Variants in PKNOX2 observed in about 807,000 individuals in gnomAD.
PKNOX2 encodes PBX/knotted 1 homeobox 2, also known as homeobox protein PKNOX2.
A neutral mutation model predicts 53.1 loss-of-function variants in PKNOX2; 14 were observed. The ratio of observed to expected loss-of-function variants is 0.26; its 90% confidence interval spans 0.17 to 0.41. The LOEUF (loss-of-function observed/expected upper bound fraction) is 0.41. PKNOX2 is among the 10% of genes least tolerant of loss of function. The pLI is 1.00. For synonymous variants in PKNOX2, 257 were observed against 242.8 expected, an observed-to-expected ratio of 1.06 and a Z score of -0.54; for missense variants, 496 against 602.8, an observed-to-expected ratio of 0.82 and a Z score of 1.85.
intron 1 of PKNOX2, among the ~76,000 whole-genome samples, chr11:125,172,393 T>C (rs1955392459): frequency 6.6e-6 from 1 of 152,178 alleles, no homozygotes; most frequent in African/African-American, 2.4e-5. Context: ...CTTTCTTACC[T>C]AAGATCCCCT....
chr11:125,264,847 G>A lies in PKNOX2; in HGVS notation c.-130+29732G>A, dbSNP rs193128007. Among the ~76,000 whole-genome samples, 11 of 152,252 alleles carry A rather than the reference G, an allele frequency of 7.2e-5. No homozygotes were observed. In the East Asian group the frequency reaches 1.2e-3, roughly 16 times the overall value. On this transcript the variant is annotated intron_variant, in intron 2 of 12. Coordinates refer to ENST00000298282, the MANE Select transcript of PKNOX2 (RefSeq NM_001382323.2). ...AGGCGGCCGATTTTAGAAGCTGCACGGGTTCCCATCCTCCCCTGGCCCCAT... is the reference window on the plus strand; with the variant it reads ...AGGCGGCCGATTTTAGAAGCTGCACAGGTTCCCATCCTCCCCTGGCCCCAT...
intron 5 of PKNOX2, among the ~76,000 whole-genome samples, chr11:125,375,309 T>G (rs1403569541): frequency 6.6e-6 from 1 of 152,148 alleles, no homozygotes; most frequent in Non-Finnish European, 1.5e-5. Context: ...AAGCAGAGAT[T>G]CTCTCATACA....
intron 1 of PKNOX2, among the ~76,000 whole-genome samples, chr11:125,187,019 C>A (rs1956487381): frequency 6.6e-6 from 1 of 152,170 alleles, no homozygotes; most frequent in Non-Finnish European, 1.5e-5. Flanking sequence ...TCAACGTGGC[C>A]ATAGCTGTTT....
intron 5 of PKNOX2, among the ~76,000 whole-genome samples, chr11:125,379,029 G>A (rs1953036759): frequency 6.6e-6 from 1 of 150,520 alleles, no homozygotes; most frequent in Admixed American, 6.6e-5. Flanking sequence ...AATGAAAAAG[G>A]ATCCAACTAC....
intron 5 of PKNOX2, among the ~76,000 whole-genome samples, chr11:125,384,351 G>A (rs1953471332): frequency 6.6e-6 from 1 of 152,000 alleles, no homozygotes; most frequent in South Asian, 2.1e-4. Flanking sequence ...TGGGGGTCAG[G>A]AGTCAGAAAA....
At chr11:125,199,425 T>G (rs945694360) in intron 1 of PKNOX2, among the ~76,000 whole-genome samples, 1 of 152,246 alleles carries the variant, frequency 6.6e-6, no homozygotes, top group Non-Finnish European at 1.5e-5. Context: ...CATTCAGTGC[T>G]AATTAAATAT....
intron 3 of PKNOX2, among the ~76,000 whole-genome samples, chr11:125,333,112 G>A (rs1480862133): frequency 2.0e-5 from 3 of 152,226 alleles, no homozygotes; most frequent in Non-Finnish European, 2.9e-5. Context: ...GTAGCAGAGT[G>A]ATGTCACAAG....
chr11:125,373,958 G>T (rs1031363028), intron 5 of PKNOX2, among the ~76,000 whole-genome samples: 1 of 152,138 alleles, frequency 6.6e-6, no homozygotes, highest in African/African-American at 2.4e-5. Context: ...ACCAATCCTG[G>T]GGCTGGGCTG....
chr11:125,257,838 C>T (rs56235868), intron 2 of PKNOX2, among the ~76,000 whole-genome samples: 9,883 of 152,254 alleles, frequency 0.065, 468 homozygotes, highest in Non-Finnish European at 0.1. Context: ...CATGAGAGCT[C>T]GGAGGCTCAG....
intron 4 of PKNOX2, among the ~76,000 whole-genome samples, chr11:125,355,266 CAA>C (rs1185584702): frequency 1.2e-5 from 1 of 83,242 alleles, no homozygotes; most frequent in East Asian, 3.4e-4. Context: ...GACTCTATCT[CAA>C]AAAAAAAAGA....
At chr11:125,288,869 G>A (rs7108570) in intron 2 of PKNOX2, among the ~76,000 whole-genome samples, 2 of 152,142 alleles carry the variant, frequency 1.3e-5, no homozygotes, top group East Asian at 1.9e-4. Flanking sequence ...TGCTTTGTAC[G>A]TATTTCTTAG....
intron 10 of PKNOX2, among the ~76,000 whole-genome samples, chr11:125,420,031 CA>C (rs1223645135): frequency 1.3e-5 from 2 of 150,644 alleles, no homozygotes; most frequent in Non-Finnish European, 2.9e-5. Context: ...ACTAAAAATA[CA>C]AAAAAATAGC....
intron 2 of PKNOX2, among the ~76,000 whole-genome samples, chr11:125,304,294 CACTT>C (rs1948275429): frequency 1.3e-5 from 2 of 152,386 alleles, no homozygotes; most frequent in African/African-American, 4.8e-5. Flanking sequence ...GAAACCCCCT[CACTT>C]ACAGGAAGCT....
At chr11:125,178,645 A>AGAAAGAAAGAAAGAAAGAAAGAAAGAAG (rs771497235) in intron 1 of PKNOX2, among the ~76,000 whole-genome samples, 5 of 28,590 alleles carry the variant, frequency 1.7e-4, no homozygotes, top group Admixed American at 3.9e-4. Context: ...AAAGAAAGAA[A>AGAAAGAAAGAAAGAAAGAAAGAAAGAAG]GAAGGAAGGA....
chr11:125,173,529 G>A (rs1225057044), intron 1 of PKNOX2, among the ~76,000 whole-genome samples: 2 of 152,210 alleles, frequency 1.3e-5, no homozygotes, highest in Non-Finnish European at 2.9e-5. Context: ...AAAAGAACCA[G>A]CTAAACTCAT....
intron 1 of PKNOX2, among the ~76,000 whole-genome samples, chr11:125,178,581 G>GGAAAGAAAGAAAGAAA (rs1337301865): frequency 3.2e-5 from 1 of 31,424 alleles, no homozygotes; most frequent in African/African-American, 2.0e-4. Context: ...AAGGAAGGAA[G>GGAAAGAAAGAAAGAAA]GAAGGAAGGA....
intron 1 of PKNOX2, among the ~76,000 whole-genome samples, chr11:125,187,637 C>T (rs1279219196): frequency 6.6e-6 from 1 of 151,526 alleles, no homozygotes; most frequent in Admixed American, 6.6e-5. Context: ...TTTACTTTTT[C>T]CTTTTCAATT....
chr11:125,316,537 A>G (rs570272095), intron 2 of PKNOX2, among the ~76,000 whole-genome samples: 1 of 152,266 alleles, frequency 6.6e-6, no homozygotes, highest in Admixed American at 6.5e-5. Flanking sequence ...CCAGACCACC[A>G]CAATAAAGAC....
At chr11:125,351,256 G>C in intron 3 of PKNOX2, 28 bp from the exon 4 acceptor site, 1 of 949,788 alleles carries the variant, frequency 1.1e-6, no homozygotes, top group South Asian at 1.4e-5. Context: ...CGGTGTTAAC[G>C]GTGCGGCCCC....
Sources: gnomAD v4.1 joint callset for allele counts (sites outside exome capture counted in the v4.1 genomes callset) on GRCh38, gnomAD v4.1.1 for gene constraint, MANE v1.5 for transcripts, NCBI Gene and HGNC (gene_info 2026-07-23, HGNC 2026-07-21) for gene names.